NTM: variants seen among roughly 807,000 people sequenced by gnomAD.
The protein encoded by NTM is neurotrimin, also known as IgLON family member 2.
In NTM, 13 loss-of-function variants were observed where a neutral mutation model predicts 42.1. The observed-to-expected ratio is 0.31, with a 90% CI of 0.20 to 0.49. The LOEUF (loss-of-function observed/expected upper bound fraction) is 0.49. Ranked by LOEUF, NTM falls within the 20% of genes least tolerant of loss-of-function variation. NTM has a pLI of 0.99. For synonymous variants in NTM, 187 were observed against 179.2 expected, an observed-to-expected ratio of 1.04 and a Z score of -0.35; for missense variants, 373 against 452.8, an observed-to-expected ratio of 0.82 and a Z score of 1.60.
intron 1 of NTM, among the ~76,000 whole-genome samples, chr11:131,538,853 A>G (rs1277048822): frequency 6.6e-6 from 1 of 151,630 alleles, no homozygotes; most frequent in Admixed American, 6.6e-5. Context: ...AAAATTGCTA[A>G]GAGAGTAAAT....
intron 2 of NTM, among the ~76,000 whole-genome samples, chr11:132,055,090 T>C (rs993263203): frequency 3.3e-5 from 5 of 152,220 alleles, no homozygotes; most frequent in African/African-American, 9.6e-5. Context: ...GGCATTGGAA[T>C]GGAGTGAGGC....
At chr11:131,629,517 T>G (rs2063453125) in intron 1 of NTM, among the ~76,000 whole-genome samples, 1 of 152,216 alleles carries the variant, frequency 6.6e-6, no homozygotes, top group South Asian at 2.1e-4. Context: ...ATCCATATAT[T>G]GAATAATTGG....
At chr11:131,496,236 C>T (rs1955325745) in intron 1 of NTM, among the ~76,000 whole-genome samples, 1 of 152,212 alleles carries the variant, frequency 6.6e-6, no homozygotes, top group Admixed American at 6.5e-5. Flanking sequence ...CTGAGAATAA[C>T]CTAGACAGCA....
At position 131,976,159 on chromosome 11, in the gene NTM, T is replaced by C. The variant is rs200927421; in HGVS notation, c.167+64511T>C. Among the ~76,000 whole-genome samples the C allele has an allele frequency of 3.3e-3, 141 of 42,966 alleles. 1 individual carries two copies. Among genetic ancestry groups the C allele is most frequent in the African/African-American group, 6.0e-3 (62 of 10,380 alleles). The allele number at this position is 42,966 out of a possible 152,430, so 28.2% of individuals were successfully genotyped here. ...TCCTTCCTTCCTTCCTTCCTTCCTT[T>C]CTTCCTTCCTTCCTTTCTTCCTTTC... On this transcript the variant is annotated intron_variant, in intron 2 of 8. Coordinates refer to ENST00000683400, the MANE Select transcript of NTM (RefSeq NM_001352005.2).
chr11:131,526,709 G>A (rs1273050305), intron 1 of NTM, among the ~76,000 whole-genome samples: 1 of 152,144 alleles, frequency 6.6e-6, no homozygotes, highest in Non-Finnish European at 1.5e-5. Context: ...GGGCAGGTTG[G>A]GAACAGGAAG....
At chr11:131,431,617 G>A (rs753705137) in intron 1 of NTM, among the ~76,000 whole-genome samples, 17 of 152,184 alleles carry the variant, frequency 1.1e-4, no homozygotes, top group South Asian at 2.1e-4. Context: ...CCCAGCCCCC[G>A]TGTGGCTGGC....
chr11:131,575,376 C>A (rs1338141844), intron 1 of NTM, among the ~76,000 whole-genome samples: 1 of 152,152 alleles, frequency 6.6e-6, no homozygotes, highest in Admixed American at 6.5e-5. Context: ...ATTTTAATTT[C>A]TCTTCTGGTT....
At chr11:131,832,175 C>T (rs540605362) in intron 1 of NTM, among the ~76,000 whole-genome samples, 41 of 124,908 alleles carry the variant, frequency 3.3e-4, no homozygotes, top group Non-Finnish European at 4.9e-4. Flanking sequence ...GGTCAAACTC[C>T]GGGTGTTAGA....
chr11:131,381,074 G>A (rs1180362140), intron 1 of NTM, among the ~76,000 whole-genome samples: 2 of 152,204 alleles, frequency 1.3e-5, no homozygotes, highest in East Asian at 3.8e-4. Flanking sequence ...ACTGACCCAA[G>A]AGTGGAAAAG....
intron 2 of NTM, among the ~76,000 whole-genome samples, chr11:131,924,431 A>G (rs1592905822): frequency 1.3e-5 from 2 of 152,292 alleles, no homozygotes; most frequent in South Asian, 4.1e-4. Flanking sequence ...CAAATCATAT[A>G]TAAGTTTTTT....
intron 2 of NTM, among the ~76,000 whole-genome samples, chr11:132,139,936 T>C (rs12793380): frequency 0.25 from 37,725 of 152,150 alleles, 6,109 homozygotes; most frequent in Non-Finnish European, 0.35. Flanking sequence ...GAACTTAAAA[T>C]CAATCAAGTC....
chr11:131,655,783 C>T (rs1357985297), intron 1 of NTM, among the ~76,000 whole-genome samples: 6 of 152,360 alleles, frequency 3.9e-5, no homozygotes, highest in Non-Finnish European at 7.3e-5. Flanking sequence ...CCCAGCCAAG[C>T]TCTGTGTGAG....
chr11:131,680,093 C>A (rs150368119), intron 1 of NTM, among the ~76,000 whole-genome samples: 50 of 152,214 alleles, frequency 3.3e-4, no homozygotes, highest in African/African-American at 1.1e-3. Context: ...TGGGTGACTG[C>A]AAGATGTGAA....
intron 4 of NTM, among the ~76,000 whole-genome samples, chr11:132,259,160 A>G (rs1392463431): frequency 2.6e-5 from 4 of 152,224 alleles, no homozygotes; most frequent in Non-Finnish European, 5.9e-5. Flanking sequence ...CCCCACAAAT[A>G]TATGACTTTC....
At chr11:132,330,021 G>A in intron 7 of NTM, 132 bp from the exon 8 acceptor site, 2 of 1,424,906 alleles carry the variant, frequency 1.4e-6, no homozygotes, top group Non-Finnish European at 1.9e-6. Flanking sequence ...GGACAGCAAG[G>A]GACATGGGCA....
At chr11:132,300,432 A>ACTGT in intron 4 of NTM, among the ~76,000 whole-genome samples, 1 of 152,328 alleles carries the variant, frequency 6.6e-6, no homozygotes, top group Admixed American at 6.5e-5. Flanking sequence ...GTCAGATAAT[A>ACTGT]CTGTCTATAG....
chr11:131,898,750 C>T (rs1300171904), intron 1 of NTM, among the ~76,000 whole-genome samples: 2 of 152,196 alleles, frequency 1.3e-5, no homozygotes, highest in Non-Finnish European at 2.9e-5. Context: ...TTTCTAAAGC[C>T]AGTCTAATCT....
chr11:131,731,051 A>T (rs2079615911), intron 1 of NTM, among the ~76,000 whole-genome samples: 3 of 152,172 alleles, frequency 2.0e-5, no homozygotes, highest in Admixed American at 2.0e-4. Context: ...GTTTAAGAAT[A>T]TCGAATTGTT....
At chr11:132,300,155 C>T (rs897748497) in intron 4 of NTM, among the ~76,000 whole-genome samples, 1 of 152,004 alleles carries the variant, frequency 6.6e-6, no homozygotes, top group Non-Finnish European at 1.5e-5. Flanking sequence ...TTATTAAGTT[C>T]CTACTGGCAA....
Sources: gnomAD v4.1 joint callset for allele counts (sites outside exome capture counted in the v4.1 genomes callset) on GRCh38, gnomAD v4.1.1 for gene constraint, MANE v1.5 for transcripts, NCBI Gene and HGNC (gene_info 2026-07-23, HGNC 2026-07-21) for gene names.